PALMD: variants seen among roughly 807,000 people sequenced by gnomAD.
PALMD encodes palmdelphin.
PALMD carries 42 observed loss-of-function variants against 56.2 expected under a neutral mutation model. The ratio of observed to expected loss-of-function variants is 0.75; its 90% CI spans 0.58 to 0.97. The LOEUF (loss-of-function observed/expected upper bound fraction) is 0.97, where lower values mean the gene tolerates loss of function less well. Among genes scored for constraint, PALMD ranks in the 50% least tolerant of loss-of-function variants. The pLI is 0.00. For missense variants in PALMD, 660 were observed against 643.8 expected (o/e 1.03, Z -0.27); for synonymous variants, 242 against 222.9 (o/e 1.09, Z -0.76).
intron 1 of PALMD, among the ~76,000 whole-genome samples, chr1:99,649,407 A>G (rs932872627): frequency 6.6e-6 from 1 of 152,222 alleles, no homozygotes; most frequent in African/African-American, 2.4e-5. Context: ...GAAATAGACT[A>G]GTAATTTGAA....
chr1:99,687,365 G>A (rs1375846039), intron 6 of PALMD, among the ~76,000 whole-genome samples, 176 bp downstream of exon 6: 1 of 152,104 alleles, frequency 6.6e-6, no homozygotes, highest in African/African-American at 2.4e-5. Context: ...TATAATAATA[G>A]CATTTATTCC....
chr1:99,652,694 G>GAAAAGAAAAGAAAAGAAAA (rs1334929003), intron 1 of PALMD, among the ~76,000 whole-genome samples: 14 of 86,398 alleles, frequency 1.6e-4, no homozygotes, highest in East Asian at 4.0e-4. Context: ...GGAAAGGAAA[G>GAAAAGAAAAGAAAAGAAAA]GAAAAGAAAA....
At position 99,655,550 on chromosome 1, in the gene PALMD, C is replaced by A. The variant is rs370297710; in HGVS notation, c.46-6769C>A. Among the ~76,000 whole-genome samples, 29 of 152,260 alleles carry A rather than the reference C, an allele frequency of 1.9e-4. 1 individual carries two copies. The highest frequency in any genetic ancestry group is 6.7e-4 in the African/African-American group (28 of 41,558). On this transcript the variant is annotated intron_variant, in intron 1 of 7. Transcript: ENST00000263174. ...CCAGTCTTTAAATATTCATCATTCA[C>A]CTCTTTGCCTCTTCAAAAAAACTGG...
At chr1:99,652,511 C>T (rs1045504348) in intron 1 of PALMD, among the ~76,000 whole-genome samples, 2 of 151,454 alleles carry the variant, frequency 1.3e-5, no homozygotes, top group Admixed American at 6.6e-5. Flanking sequence ...AGCTGAGGAA[C>T]GAGAATTGCT....
At position 99,663,192 on chromosome 1, in the gene PALMD, A is replaced by G. The variant is rs978901037; in HGVS notation, c.126+793A>G. Reference sequence around the variant, plus strand: ...AAACTTGCTGAATGCAACTGACTTCATTTTTCTAATGGAACAAGTACCTGC... The same window carrying G: ...AAACTTGCTGAATGCAACTGACTTCGTTTTTCTAATGGAACAAGTACCTGC... On this transcript the variant is annotated intron_variant, in intron 2 of 7. Coordinates refer to ENST00000263174, the MANE Select transcript of PALMD (RefSeq NM_017734.5). Among the ~76,000 whole-genome samples, 3 of 152,166 alleles carry G rather than the reference A, an allele frequency of 2.0e-5. No homozygotes were observed. In the East Asian group the frequency reaches 5.8e-4, roughly 29 times the overall value.
chr1:99,686,916 C>A lies in PALMD; in HGVS notation c.367-14C>A, dbSNP rs148164289. 326 of 1,552,266 alleles carry A rather than the reference C, an allele frequency of 2.1e-4. 1 individual carries two copies. In the East Asian group the frequency reaches 5.3e-3, roughly 25 times the overall value. On this transcript the variant is annotated splice_polypyrimidine_tract_variant and intron_variant, in intron 4 of 7. Transcript: ENST00000263174. Reference sequence around the variant, plus strand: ...TAAACTGTATTAATCATGGAGAATTCTTTTTTCTTACAGTCTGTGAAAGTG... The same window carrying A: ...TAAACTGTATTAATCATGGAGAATTATTTTTTCTTACAGTCTGTGAAAGTG...
chr1:99,689,542 G>C lies in PALMD; in HGVS notation c.1282G>C (p.Glu428Gln). 1 of 1,613,836 alleles carries C rather than the reference G, an allele frequency of 6.2e-7. No individual in the cohort carries two copies. The highest frequency in any genetic ancestry group is 8.5e-7 in the Non-Finnish European group (1 of 1,179,850). Reference protein sequence around the residue: ...MGYQQAEDSEEDKKFLTGYDG... With the variant: ...MGYQQAEDSEQDKKFLTGYDG... ...GTATCAGCAGGCAGAAGACAGTGAA[G>C]AAGATAAGAAGTTTCTGACAGGATA... Residue 428 changes from glutamate to glutamine, a missense_variant, in exon 7 of 8, where the codon GAA (glutamate) becomes CAA (glutamine). Glu to Gln is a conservative substitution (Grantham distance 29, BLOSUM62 2). Transcript: ENST00000263174.
chr1:99,675,374 C>A (rs1204278785), intron 3 of PALMD, among the ~76,000 whole-genome samples: 1 of 152,052 alleles, frequency 6.6e-6, no homozygotes, highest in East Asian at 1.9e-4. Context: ...AAATGTTTTT[C>A]TCTACAATTT....
At chr1:99,651,427 G>A (rs922622558) in intron 1 of PALMD, among the ~76,000 whole-genome samples, 2 of 152,170 alleles carry the variant, frequency 1.3e-5, no homozygotes, top group Non-Finnish European at 2.9e-5. Context: ...AACATTACTG[G>A]ATGGTTGAAA....
chr1:99,682,505 G>C (rs941050594), intron 3 of PALMD, among the ~76,000 whole-genome samples: 2 of 152,132 alleles, frequency 1.3e-5, no homozygotes. Context: ...CGCTGATGAG[G>C]TTTGCAGGCT....
At chr1:99,654,465 C>G (rs978409500) in intron 1 of PALMD, among the ~76,000 whole-genome samples, 9 of 152,002 alleles carry the variant, frequency 5.9e-5, no homozygotes, top group Non-Finnish European at 1.2e-4. Context: ...CAAAACTCTA[C>G]CAAGTGACAT....
At chr1:99,648,579 T>G (rs1652493815) in intron 1 of PALMD, among the ~76,000 whole-genome samples, 1 of 152,092 alleles carries the variant, frequency 6.6e-6, no homozygotes, top group African/African-American at 2.4e-5. Flanking sequence ...TGAAATAATT[T>G]TTTGTATACT....
intron 2 of PALMD, among the ~76,000 whole-genome samples, chr1:99,665,160 C>A (rs771753632): frequency 1.1e-4 from 16 of 152,038 alleles, no homozygotes; most frequent in East Asian, 3.8e-4. Context: ...CTACAAAAAA[C>A]CAATTTATTC....
intron 3 of PALMD, among the ~76,000 whole-genome samples, chr1:99,682,947 A>G (rs183004254): frequency 5.3e-5 from 8 of 151,146 alleles, no homozygotes; most frequent in African/African-American, 1.5e-4. Context: ...CAGAGGTTAC[A>G]GTGAGCCGAG....
At chr1:99,664,899 T>C (rs993886898) in intron 2 of PALMD, among the ~76,000 whole-genome samples, 1 of 152,284 alleles carries the variant, frequency 6.6e-6, no homozygotes, top group Middle Eastern at 3.4e-3. Context: ...ATACACACAT[T>C]TCAAAATAGT....
chr1:99,679,693 T>C (rs1053183788), intron 3 of PALMD, among the ~76,000 whole-genome samples: 2 of 152,200 alleles, frequency 1.3e-5, no homozygotes, highest in Non-Finnish European at 2.9e-5. Flanking sequence ...AAATGAATGT[T>C]GTGTCTAAGC....
intron 1 of PALMD, among the ~76,000 whole-genome samples, chr1:99,656,819 T>C (rs1471965008): frequency 1.3e-5 from 2 of 152,190 alleles, no homozygotes; most frequent in African/African-American, 4.8e-5. Flanking sequence ...ACTTAACCTC[T>C]TAAGGTTTCA....
intron 7 of PALMD, among the ~76,000 whole-genome samples, chr1:99,693,084 G>A (rs1653697803): frequency 1.3e-5 from 2 of 152,098 alleles, no homozygotes; most frequent in African/African-American, 4.8e-5. Context: ...CTTAGGTATG[G>A]GGTCATTTCC....
At chr1:99,647,024 T>C (rs1304091596) in intron 1 of PALMD, among the ~76,000 whole-genome samples, 1 of 152,192 alleles carries the variant, frequency 6.6e-6, no homozygotes, top group Non-Finnish European at 1.5e-5. Context: ...ATTTTGTTAA[T>C]ACCGAGAAGG....
Sources: gnomAD v4.1 joint callset for allele counts (sites outside exome capture counted in the v4.1 genomes callset) on GRCh38, gnomAD v4.1.1 for gene constraint, MANE v1.5 for transcripts, NCBI Gene and HGNC (gene_info 2026-07-23, HGNC 2026-07-21) for gene names.